ELAPOR2: variants seen among roughly 807,000 people sequenced by gnomAD.
ELAPOR2 encodes the protein endosome-lysosome associated apoptosis and autophagy regulator family member 2, also known as endosome/lysosome-associated apoptosis and autophagy regulator family member 2.
Under a neutral mutation model 120.7 loss-of-function variants are expected in ELAPOR2, and 89 were observed. That is an observed-to-expected ratio of 0.74 (90% CI 0.62 to 0.88). The LOEUF (loss-of-function observed/expected upper bound fraction) is 0.88. Ranked by LOEUF, ELAPOR2 falls within the 40% of genes least tolerant of loss-of-function variation. The probability of loss-of-function intolerance (pLI) is 0.00; values close to 1 mark genes in which losing one functional copy is unlikely to be tolerated. For missense variants in ELAPOR2, 1,134 were observed against 1,251.6 expected (o/e 0.91, Z 1.42); for synonymous variants, 444 against 444.9 (o/e 1.00, Z 0.03).
intron 21 of ELAPOR2, among the ~76,000 whole-genome samples, chr7:86,881,956 CT>C (rs1268438826): frequency 6.6e-6 from 1 of 152,148 alleles, no homozygotes; most frequent in East Asian, 1.9e-4. Context: ...TTTGTGTTTG[CT>C]TTCATTGGGG....
chr7:86,897,715 T>C, intron 18 of ELAPOR2, 83 bp from the exon 19 acceptor site: 1 of 1,476,790 alleles, frequency 6.8e-7, no homozygotes. Context: ...CCAGAATACC[T>C]ATCACATGCT....
intron 1 of ELAPOR2, among the ~76,000 whole-genome samples, chr7:87,018,812 T>TA (rs1335998953): frequency 3.9e-5 from 6 of 152,242 alleles, no homozygotes; most frequent in African/African-American, 1.4e-4. Flanking sequence ...ATCCTAAACT[T>TA]AGTGTACTAG....
In ELAPOR2 at chr7:86,994,765, T is replaced by C. The variant is rs528091068; in HGVS notation, c.190-29741A>G. Among the ~76,000 whole-genome samples, 10 of 152,178 alleles carry C rather than the reference T, an allele frequency of 6.6e-5. No homozygotes were observed. The East Asian group carries it at 1.2e-3, about 18-fold the overall frequency. ...GTACTAAGAAGATATCTTAGTTTTGTAGACACATATAGGAGTAATTCAGCC... is the reference window on the plus strand; with the variant it reads ...GTACTAAGAAGATATCTTAGTTTTGCAGACACATATAGGAGTAATTCAGCC... On this transcript the variant is annotated intron_variant, in intron 1 of 21. Coordinates refer to ENST00000450689, the MANE Select transcript of ELAPOR2 (RefSeq NM_001142749.3).
At chr7:87,043,627 T>G (rs2129016177) in intron 1 of ELAPOR2, among the ~76,000 whole-genome samples, 1 of 146,226 alleles carries the variant, frequency 6.8e-6, no homozygotes. Flanking sequence ...TAATAAGAGC[T>G]ATCTATGACA....
At chr7:87,039,918 G>A (rs892777775) in intron 1 of ELAPOR2, among the ~76,000 whole-genome samples, 1 of 152,144 alleles carries the variant, frequency 6.6e-6, no homozygotes, top group Non-Finnish European at 1.5e-5. Flanking sequence ...TGCGCGCACC[G>A]TGCACGAGCC....
chr7:86,998,328 A>T (rs1235310099), intron 1 of ELAPOR2, among the ~76,000 whole-genome samples: 1 of 152,198 alleles, frequency 6.6e-6, no homozygotes, highest in African/African-American at 2.4e-5. Flanking sequence ...GCTCACAGTG[A>T]TCTCCACTGC....
In ELAPOR2 at chr7:86,891,786, C is replaced by T; in HGVS notation, c.2968G>A (p.Glu990Lys). The T allele has an allele frequency of 1.2e-6, 2 of 1,611,934 alleles. No individual in the cohort carries two copies. The highest frequency in any genetic ancestry group is 8.5e-7 in the Non-Finnish European group (1 of 1,178,552). Residue 990 changes from glutamate to lysine, a missense_variant, in exon 21 of 22, where the codon GAG becomes AAG. Physicochemically the swap from Glu to Lys is moderately conservative, Grantham distance 56. Coordinates refer to ENST00000450689, the MANE Select transcript of ELAPOR2 (RefSeq NM_001142749.3). The stretch of plus-strand genomic sequence containing the variant: ...TGTTTATTGGAATATACAACTTCCT[C>T]TTCATTATCTTCTCCTTCCATGATA... ...CAIMEGEDNE[E>K]EVVYSNKQSL...
chr7:86,886,654 G>C (rs1038106722), intron 21 of ELAPOR2, among the ~76,000 whole-genome samples: 1 of 152,118 alleles, frequency 6.6e-6, no homozygotes, highest in Non-Finnish European at 1.5e-5. Flanking sequence ...AGGTAGAAAA[G>C]GCTGAATAAG....
At chr7:87,025,794 A>T (rs1794224458) in intron 1 of ELAPOR2, among the ~76,000 whole-genome samples, 1 of 152,166 alleles carries the variant, frequency 6.6e-6, no homozygotes. Flanking sequence ...AAATTTGAGC[A>T]TAATTCTTCA....
chr7:87,059,423 G>A lies in ELAPOR2; in HGVS notation c.91C>T (p.Pro31Ser). Residue 31 changes from proline (P) to serine (S), a missense_variant, in exon 1 of 22, where the codon CCC (proline) becomes TCC (serine). Pro to Ser is a moderately conservative substitution (Grantham distance 74). Transcript: ENST00000450689. Reference sequence around the variant, plus strand: ...AGCGCCCAGCAGCAAATCCAGGCGGGGCTCCAGGGCGGCGAGCGCCCGCGG... The same window carrying A: ...AGCGCCCAGCAGCAAATCCAGGCGGAGCTCCAGGGCGGCGAGCGCCCGCGG... Reference protein sequence around the residue: ...PRRGRSPPWSPAWICCWALAG... With the variant: ...PRRGRSPPWSSAWICCWALAG... The A allele has an allele frequency of 1.6e-6, 2 of 1,237,096 alleles. No homozygotes were observed. The highest frequency in any genetic ancestry group is 2.0e-6 in the Non-Finnish European group (2 of 986,198). 76.6% of individuals were successfully genotyped at this position (1,237,096 alleles called of 1,614,324 possible).
chr7:86,992,072 AAT>A (rs1792960930), intron 1 of ELAPOR2, among the ~76,000 whole-genome samples: 1 of 152,210 alleles, frequency 6.6e-6, no homozygotes, highest in South Asian at 2.1e-4. Flanking sequence ...CATAAATCAA[AAT>A]AGTGTCATCA....
chr7:86,948,858 C>G lies in ELAPOR2; in HGVS notation c.311-936G>C, dbSNP rs529275919. 4.6e-5 allele frequency among the ~76,000 whole-genome samples: 7 copies of G among 152,244 alleles called. No individual in the cohort carries two copies. The South Asian group carries it at 1.5e-3, about 32-fold the overall frequency. On this transcript the variant is annotated intron_variant, in intron 2 of 21. Coordinates refer to ENST00000450689, the MANE Select transcript of ELAPOR2 (RefSeq NM_001142749.3). The stretch of plus-strand genomic sequence containing the variant: ...GAAAAGGGCTTTCTAATCCTTTAAT[C>G]AGGATATTAAAGAAACAAGAACAAA...
At chr7:86,931,503 C>T (rs906706504) in intron 8 of ELAPOR2, among the ~76,000 whole-genome samples, 2 of 151,928 alleles carry the variant, frequency 1.3e-5, no homozygotes, top group African/African-American at 4.8e-5. Flanking sequence ...AATATCCTGG[C>T]CTCTGTCCTC....
rs1439140240 is a variant in ELAPOR2 at position 87,059,579 on chromosome 7, G to C, written c.-66C>G. 8.8e-7 allele frequency: 1 copy of C among 1,136,686 alleles called. No homozygotes were observed. The highest frequency in any genetic ancestry group is 1.1e-6 in the Non-Finnish European group (1 of 928,052). 70.4% of individuals were successfully genotyped at this position (1,136,686 alleles called of 1,614,324 possible). A position where few individuals can be genotyped will look rare whatever the true frequency, so the allele number is the denominator to read the frequency against. On this transcript the variant is annotated 5_prime_UTR_variant, in exon 1 of 22. Coordinates refer to ENST00000450689, the MANE Select transcript of ELAPOR2 (RefSeq NM_001142749.3). ...CTTCCCGGGGTGCGGCGGCAGCTCC[G>C]GCTCCCGGGCCGCGACTGCTGTGCG...
At chr7:86,990,109 C>T (rs1272824260) in intron 1 of ELAPOR2, among the ~76,000 whole-genome samples, 2 of 151,774 alleles carry the variant, frequency 1.3e-5, no homozygotes, top group African/African-American at 4.8e-5. Context: ...TGCAGTGGTG[C>T]CATCTCGGCT....
rs754605499 is a variant in ELAPOR2 at position 86,944,951 on chromosome 7, T to G, written c.602A>C (p.Tyr201Ser). 7.1e-6 allele frequency: 11 copies of G among 1,549,464 alleles called. 1 individual carries two copies. The South Asian group carries it at 1.3e-4, about 18-fold the overall frequency. The change falls in exon 4 of 22, where the codon TAT (tyrosine) becomes TCT (serine). Residue 201 changes from tyrosine to serine, a missense_variant. By Grantham distance (144) the Tyr-to-Ser change is moderately radical (BLOSUM62 -2). This residue lies in a region of ELAPOR2 where 280 missense variants were observed against 331.5 expected (regional missense o/e 0.84). Transcript: ENST00000450689. ...GACATACTGGTACTCAAAGAAGACA[T>G]AGCCTGACTTCTTAAGGTGCACAGC... ...IYAVHLKKSG[Y>S]VFFEYQYVDN...
intron 19 of ELAPOR2, among the ~76,000 whole-genome samples, chr7:86,894,527 A>G (rs994177595): frequency 6.6e-5 from 10 of 152,106 alleles, no homozygotes; most frequent in African/African-American, 2.4e-4. Flanking sequence ...TGACAGTCTT[A>G]TAACAAAATC....
intron 1 of ELAPOR2, among the ~76,000 whole-genome samples, chr7:86,997,449 C>G (rs1793163020): frequency 6.6e-6 from 1 of 152,126 alleles, no homozygotes; most frequent in African/African-American, 2.4e-5. Flanking sequence ...ACCTAAAGAG[C>G]CCCAGGAACA....
At chr7:86,924,895 G>A (rs190510905) in intron 10 of ELAPOR2, among the ~76,000 whole-genome samples, 106 of 152,080 alleles carry the variant, frequency 7.0e-4, no homozygotes, top group African/African-American at 2.4e-3. Context: ...TAGTGTAAAG[G>A]TCTGGTATAT....
Sources: gnomAD v4.1 joint callset for allele counts (sites outside exome capture counted in the v4.1 genomes callset) on GRCh38, gnomAD v4.1.1 for gene constraint, gnomAD v4.1.1 regional missense constraint, MANE v1.5 for transcripts, NCBI Gene and HGNC (gene_info 2026-07-23, HGNC 2026-07-21) for gene names.